The following DLG2 variants were observed in gnomAD, a reference collection of about 807,000 sequenced individuals.
DLG2 encodes disks large homolog 2.
Under a neutral mutation model 132.5 loss-of-function variants are expected in DLG2, and 45 were observed. That is an observed-to-expected ratio of 0.34 (90% CI 0.27 to 0.44). The LOEUF is 0.44. Ranked by LOEUF, DLG2 falls within the 20% of genes least tolerant of loss-of-function variation. The probability of loss-of-function intolerance (pLI) is 1.00; values close to 1 mark genes in which losing one functional copy is unlikely to be tolerated. For synonymous variants in DLG2, 424 were observed against 419.6 expected (o/e 1.01, Z -0.13); for missense variants, 1,045 against 1,196.9 (o/e 0.87, Z 1.87).
At chr11:85,050,996 A>C (rs1044958541) in intron 6 of DLG2, among the ~76,000 whole-genome samples, 1 of 152,144 alleles carries the variant, frequency 6.6e-6, no homozygotes, top group Non-Finnish European at 1.5e-5. Flanking sequence ...CACAATGATT[A>C]AGCGAGACAG....
chr11:85,472,831 G>T (rs546373253), intron 3 of DLG2, among the ~76,000 whole-genome samples: 2 of 152,334 alleles, frequency 1.3e-5, no homozygotes, highest in Non-Finnish European at 2.9e-5. Context: ...AGAATCGGGC[G>T]AAGGGACTGA....
intron 6 of DLG2, among the ~76,000 whole-genome samples, chr11:85,013,145 T>C (rs2059294567): frequency 6.6e-6 from 1 of 152,234 alleles, no homozygotes; most frequent in Admixed American, 6.5e-5. Context: ...TTATCATCCC[T>C]ATTGAGATGC....
chr11:83,580,884 CT>C (rs1338448889), intron 19 of DLG2, among the ~76,000 whole-genome samples: 1 of 120,394 alleles, frequency 8.3e-6, no homozygotes, highest in Non-Finnish European at 1.8e-5. Context: ...CTCTCCCCTC[CT>C]CTCCCCTCCC....
chr11:84,006,822 AT>A (rs1157869646), intron 11 of DLG2, among the ~76,000 whole-genome samples: 5 of 151,316 alleles, frequency 3.3e-5, no homozygotes, highest in Non-Finnish European at 7.4e-5. Context: ...TTTTCCCTCA[AT>A]TTTCTCTCTG....
At chr11:85,107,979 G>A (rs1024855332) in intron 6 of DLG2, among the ~76,000 whole-genome samples, 6 of 115,476 alleles carry the variant, frequency 5.2e-5, no homozygotes, top group East Asian at 5.2e-4. Context: ...TACTACATAG[G>A]TGCCGAGGGC....
rs955519869 is a variant in DLG2 at position 84,820,625 on chromosome 11, T to G, written c.358-285894A>C. On this transcript the variant is annotated intron_variant, in intron 6 of 27. Transcript: ENST00000376104. The stretch of plus-strand genomic sequence containing the variant: ...TGACATTCCCTGGACACCCATATTC[T>G]TTTATGTCTCTGTCCAGTGCACCTT... Among the ~76,000 whole-genome samples, 6 of 151,916 alleles carry G rather than the reference T, an allele frequency of 3.9e-5. No individual in the cohort carries two copies. The South Asian group carries it at 1.2e-3, about 31-fold the overall frequency.
intron 19 of DLG2, among the ~76,000 whole-genome samples, chr11:83,618,483 C>A (rs890250080): frequency 5.3e-5 from 8 of 152,142 alleles, no homozygotes; most frequent in African/African-American, 1.9e-4. Context: ...AGGTGATTTA[C>A]AAACGTTATT....
chr11:85,247,497 T>A (rs1165645001), intron 4 of DLG2, among the ~76,000 whole-genome samples: 1 of 152,048 alleles, frequency 6.6e-6, no homozygotes. Flanking sequence ...CCTTCTTCCC[T>A]CATTTTTTCC....
intron 17 of DLG2, among the ~76,000 whole-genome samples, chr11:83,807,851 A>C (rs2046312158): frequency 6.6e-6 from 1 of 152,166 alleles, no homozygotes; most frequent in Non-Finnish European, 1.5e-5. Flanking sequence ...AAAGTAGCAG[A>C]GCTAACATAA....
chr11:84,233,764 G>A (rs2097124967), intron 8 of DLG2, among the ~76,000 whole-genome samples: 1 of 152,146 alleles, frequency 6.6e-6, no homozygotes, highest in Non-Finnish European at 1.5e-5. Flanking sequence ...ACCCCTTTCT[G>A]CAGGAAAGAG....
chr11:83,834,245 T>C (rs1335793054), intron 16 of DLG2, among the ~76,000 whole-genome samples: 1 of 152,182 alleles, frequency 6.6e-6, no homozygotes, highest in Admixed American at 6.5e-5. Flanking sequence ...CATTAGAAGA[T>C]TCTGAGACAT....
intron 3 of DLG2, among the ~76,000 whole-genome samples, chr11:85,344,437 C>T (rs969548866): frequency 2.6e-5 from 4 of 152,094 alleles, no homozygotes; most frequent in African/African-American, 7.2e-5. Flanking sequence ...TAAAGCCCAA[C>T]ATAAAGATAC....
chr11:84,213,363 C>T (rs1190025316), intron 8 of DLG2, among the ~76,000 whole-genome samples: 2 of 152,144 alleles, frequency 1.3e-5, no homozygotes, highest in Non-Finnish European at 2.9e-5. Context: ...AGGCCTAGTT[C>T]ACACTGGGGG....
chr11:84,406,760 T>C (rs542815597), intron 7 of DLG2, among the ~76,000 whole-genome samples: 1 of 152,334 alleles, frequency 6.6e-6, no homozygotes, highest in African/African-American at 2.4e-5. Flanking sequence ...CTGCCACATT[T>C]ATTCCGTTGT....
intron 6 of DLG2, among the ~76,000 whole-genome samples, chr11:84,673,717 TA>T (rs1409686940): frequency 6.6e-6 from 1 of 151,876 alleles, no homozygotes; most frequent in Non-Finnish European, 1.5e-5. Context: ...ACCAAGATGA[TA>T]AAAAATTAAT....
At chr11:83,828,860 GTATATA>G (rs10584888) in intron 17 of DLG2, among the ~76,000 whole-genome samples, 1 of 151,238 alleles carries the variant, frequency 6.6e-6, no homozygotes, top group Non-Finnish European at 1.5e-5. Context: ...CAGTGTGTGT[GTATATA>G]TATATATGTG....
At chr11:84,101,667 G>C (rs1202106767) in intron 9 of DLG2, among the ~76,000 whole-genome samples, 2 of 152,068 alleles carry the variant, frequency 1.3e-5, no homozygotes, top group Non-Finnish European at 2.9e-5. Context: ...AAGATCCAGA[G>C]GTTTGGGAAG....
rs533935193 is a variant in DLG2 at position 85,619,871 on chromosome 11, T to C, written c.-93+6716A>G. Reference sequence around the variant, plus strand: ...ACAAGCTCTCCATATATTACTGGTATGGCAAACATGAAAATTCAAATACAA... The same window carrying C: ...ACAAGCTCTCCATATATTACTGGTACGGCAAACATGAAAATTCAAATACAA... On this transcript the variant is annotated intron_variant, in intron 2 of 27. Coordinates refer to ENST00000376104, the MANE Select transcript of DLG2 (RefSeq NM_001142699.3). Among the ~76,000 whole-genome samples, 25 of 151,612 alleles carry C rather than the reference T, an allele frequency of 1.6e-4. No homozygotes were observed. In the South Asian group the frequency reaches 4.6e-3, roughly 28 times the overall value.
At chr11:85,087,295 A>C (rs1388915635) in intron 6 of DLG2, among the ~76,000 whole-genome samples, 1 of 152,210 alleles carries the variant, frequency 6.6e-6, no homozygotes, top group Non-Finnish European at 1.5e-5. Flanking sequence ...AAACAGTGAG[A>C]GAGAGAGAGC....
Sources: allele counts gnomAD v4.1 joint callset (sites outside exome capture counted in the v4.1 genomes callset), GRCh38; gene constraint gnomAD v4.1.1; transcripts MANE v1.5; gene names NCBI Gene and HGNC (gene_info 2026-07-23, HGNC 2026-07-21).